NXNL2: variants seen among roughly 807,000 people sequenced by gnomAD.
The protein encoded by NXNL2 is nucleoredoxin like 2.
Under a neutral mutation model 11.1 loss-of-function variants are expected in NXNL2, and 7 were observed. The ratio of observed to expected loss-of-function variants is 0.63; its 90% CI spans 0.36 to 1.18. The LOEUF (loss-of-function observed/expected upper bound fraction) is 1.18. Ranked by LOEUF, NXNL2 falls within the 50% of genes most tolerant of loss-of-function variation. NXNL2 has a pLI of 0.02. For missense variants in NXNL2, 233 were observed against 217.7 expected, an observed-to-expected ratio of 1.07 and a Z score of -0.44; for synonymous variants, 109 against 101.8, an observed-to-expected ratio of 1.07 and a Z score of -0.42.
intron 1 of NXNL2, among the ~76,000 whole-genome samples, chr9:88,560,225 C>T (rs1830069409): frequency 6.6e-6 from 1 of 152,002 alleles, no homozygotes; most frequent in Non-Finnish European, 1.5e-5. Flanking sequence ...GATGTGGATG[C>T]ATCTTTCTGC....
At chr9:88,566,594 C>A (rs756547133) in intron 1 of NXNL2, among the ~76,000 whole-genome samples, 1 of 152,150 alleles carries the variant, frequency 6.6e-6, no homozygotes, top group South Asian at 2.1e-4. Context: ...TGAGCCACTG[C>A]GCCTGGCCGA....
rs146397691 is a variant in NXNL2, at chr9:88,541,751, T to C, written c.303-2628T>C. On this transcript the variant is annotated intron_variant, in intron 1 of 1. Coordinates refer to ENST00000375854, the MANE Select transcript of NXNL2 (RefSeq NM_001161625.2). ...TTTCTAGCTTCTTGAATTAGATCCA[T>C]AAGTCATCTATATACTAAAGTTTTG... Among the ~76,000 whole-genome samples the C allele has an allele frequency of 5.8e-3, 878 of 152,324 alleles. 13 individuals are homozygous for C. The highest frequency in any genetic ancestry group is 0.02 in the African/African-American group (819 of 41,572).
intron 1 of NXNL2, among the ~76,000 whole-genome samples, chr9:88,569,850 A>G (rs78074376): frequency 0.059 from 8,916 of 152,140 alleles, 448 homozygotes; most frequent in African/African-American, 0.12. Context: ...TTAGAATTAG[A>G]TTTGCTAATA....
rs1554706562 is a variant in NXNL2, at chr9:88,564,285, T to TCTATCTATTATC, written c.303-6802_303-6801insCTATCTATTATC. On this transcript the variant is annotated intron_variant, in intron 1 of 2. Transcript: ENST00000375855. ...ATCTATCTGTCTATCTATCTATCTA[T>TCTATCTATTATC]TATCTATCTATCTATCTATCTATCT... is the stretch of plus-strand genomic sequence containing the variant. 7.9e-3 allele frequency among the ~76,000 whole-genome samples: 1,105 copies of TCTATCTATTATC among 140,138 alleles called. 14 individuals are homozygous for TCTATCTATTATC. Among genetic ancestry groups the TCTATCTATTATC allele is most frequent in the East Asian group, 0.045 (191 of 4,264 alleles). 91.9% of individuals were successfully genotyped at this position (140,138 alleles called of 152,430 possible). A position where few individuals can be genotyped will look rare whatever the true frequency, so the allele number is the denominator to read the frequency against.
In NXNL2 at chr9:88,535,432, G is replaced by T. The variant is rs1046407078; in HGVS notation, c.-3G>T. On this transcript the variant is annotated 5_prime_UTR_variant, in exon 1 of 2. Coordinates refer to ENST00000375854, the MANE Select transcript of NXNL2 (RefSeq NM_001161625.2). ...GGGTCTCAGGTGGCTGCGTGTCTGC[G>T]CCATGGTTGACATTCTGGGCGAGCG... The T allele has an allele frequency of 6.3e-7, 1 of 1,592,540 alleles. No homozygotes were observed.
intron 1 of NXNL2, among the ~76,000 whole-genome samples, chr9:88,568,811 A>T (rs1043464095): frequency 3.3e-5 from 5 of 152,146 alleles, no homozygotes; most frequent in Admixed American, 2.0e-4. Context: ...ATCCACATTT[A>T]TTTCACGTTC....
At chr9:88,569,657 T>G (rs1210487565) in intron 1 of NXNL2, among the ~76,000 whole-genome samples, 2 of 152,206 alleles carry the variant, frequency 1.3e-5, no homozygotes, top group African/African-American at 4.8e-5. Context: ...GTTTTAAAAT[T>G]TTAATCAGGA....
rs754269531 is a variant in NXNL2 at position 88,544,520 on chromosome 9, C to A, written c.444C>A (p.Ala148=). 1 of 1,544,184 alleles carries A rather than the reference C, an allele frequency of 6.5e-7. No homozygotes were observed. Among genetic ancestry groups the A allele is most frequent in the Admixed American group, 2.0e-5 (1 of 50,510 alleles). ...LACFQDWVEA[A]DIFQNFSV ...GCTTCCAGGACTGGGTGGAGGCGGC[C>A]GATATCTTCCAGAATTTCTCCGTTT... The change falls in exon 2 of 2, where the codon GCC becomes GCA. Residue 148 remains alanine, a synonymous_variant. Transcript: ENST00000375854.
In NXNL2 at chr9:88,535,271, C is replaced by A. The variant is rs963967724; in HGVS notation, c.-164C>A. 5 of 627,672 alleles carry A rather than the reference C, an allele frequency of 8.0e-6. No individual in the cohort carries two copies. In the Admixed American group the frequency reaches 1.6e-4, roughly 20 times the overall value. The allele number at this position is 627,672 out of a possible 1,614,324, so 38.9% of individuals were successfully genotyped here. A position where few individuals can be genotyped will look rare whatever the true frequency, so the allele number is the denominator to read the frequency against. On this transcript the variant is annotated 5_prime_UTR_variant, in exon 1 of 2. Transcript: ENST00000375854. Reference sequence around the variant, plus strand: ...CGAACACAATTGCTCCAGCCACAGGCGAGGCCTGGCCAAGGTGTGGGCGCA... The same window carrying A: ...CGAACACAATTGCTCCAGCCACAGGAGAGGCCTGGCCAAGGTGTGGGCGCA...
chr9:88,575,011 T>G (rs771411559), intron 2 of NXNL2: 6 of 314,240 alleles, frequency 1.9e-5, no homozygotes, highest in Non-Finnish European at 2.8e-5. Flanking sequence ...ATTTTGCAAC[T>G]GCATTTTTAA....
chr9:88,541,267 A>G (rs899657115), intron 1 of NXNL2, among the ~76,000 whole-genome samples: 2 of 127,084 alleles, frequency 1.6e-5, no homozygotes, highest in African/African-American at 6.0e-5. Context: ...ATCTCAGTAG[A>G]CATTTTTTTT....
intron 2 of NXNL2, among the ~76,000 whole-genome samples, chr9:88,573,799 C>T (rs1830309453): frequency 6.6e-6 from 1 of 152,054 alleles, no homozygotes; most frequent in African/African-American, 2.4e-5. Context: ...CATTTTGCCA[C>T]AATTTTAAAA....
At chr9:88,566,867 T>C (rs1410673816) in intron 1 of NXNL2, among the ~76,000 whole-genome samples, 3 of 152,196 alleles carry the variant, frequency 2.0e-5, no homozygotes, top group East Asian at 3.8e-4. Flanking sequence ...TTGAAAATGG[T>C]ATATTATCTA....
chr9:88,563,671 C>T (rs1405853800), intron 1 of NXNL2, among the ~76,000 whole-genome samples: 1 of 152,096 alleles, frequency 6.6e-6, no homozygotes, highest in East Asian at 1.9e-4. Flanking sequence ...CAGTCCTCTC[C>T]CAACCACCCT....
rs9657730 is a variant in NXNL2, at chr9:88,581,752, G to A, written n.552-2247G>A. Among the ~76,000 whole-genome samples, 471 of 152,272 alleles carry A rather than the reference G, an allele frequency of 3.1e-3. 5 individuals carry two copies. Among genetic ancestry groups the A allele is most frequent in the African/African-American group, 9.2e-3 (381 of 41,562 alleles). On this transcript the variant is annotated intron_variant and non_coding_transcript_variant, in intron 1 of 1. Transcript: ENST00000478686. ...ATTACAGGCGTGAGCCACTGCACCC[G>A]GCTGCAACCACTTTCTTAACCCATT...
chr9:88,556,136 C>CA (rs763098165), intron 1 of NXNL2, among the ~76,000 whole-genome samples: 1 of 152,192 alleles, frequency 6.6e-6, no homozygotes, highest in Non-Finnish European at 1.5e-5. Context: ...TCTCGGCCCC[C>CA]AGAGGGTCAC....
downstream of NXNL2, among the ~76,000 whole-genome samples, chr9:88,576,061 G>C (rs982712134): frequency 6.6e-6 from 1 of 152,144 alleles, no homozygotes; most frequent in Non-Finnish European, 1.5e-5. Context: ...TGGGTGTGGT[G>C]GTGGGCACCT....
rs1829593171 is a variant in NXNL2, at chr9:88,535,605, C to G, written c.171C>G (p.Ala57=). Reference sequence around the variant, plus strand: ...GCGACTTCTATACGGCGCTGGTGGCCGAGGCGCGGCGGCCCGCGCCCTTCG... The same window carrying G: ...GCGACTTCTATACGGCGCTGGTGGCGGAGGCGCGGCGGCCCGCGCCCTTCG... ...LLCDFYTALV[A]EARRPAPFEV... is the part of the protein sequence containing the mutation. Residue 57 remains alanine (A), a synonymous_variant, in exon 1 of 2, where the codon GCC becomes GCG. Transcript: ENST00000375854. The G allele has an allele frequency of 1.2e-6, 2 of 1,609,014 alleles. No homozygotes were observed. The highest frequency in any genetic ancestry group is 1.7e-6 in the Non-Finnish European group (2 of 1,179,278).
Position 88,564,282 on chromosome 9 carries a change from CT to C in NXNL2, c.303-6804del, listed in dbSNP as rs1564074663. 6.2e-3 allele frequency among the ~76,000 whole-genome samples: 659 copies of C among 106,616 alleles called. 8 individuals are homozygous for C. Among genetic ancestry groups the C allele is most frequent in the African/African-American group, 0.024 (624 of 26,400 alleles). 69.9% of individuals were successfully genotyped at this position (106,616 alleles called of 152,430 possible). A position where few individuals can be genotyped will look rare whatever the true frequency, so the allele number is the denominator to read the frequency against. On this transcript the variant is annotated intron_variant, in intron 1 of 2. Transcript: ENST00000375855. Reference sequence around the variant, plus strand: ...TCTATCTATCTGTCTATCTATCTATCTATTATCTATCTATCTATCTATCTAT... The same window carrying C: ...TCTATCTATCTGTCTATCTATCTATCATTATCTATCTATCTATCTATCTAT...
Sources: allele counts gnomAD v4.1 joint callset (sites outside exome capture counted in the v4.1 genomes callset), GRCh38; gene constraint gnomAD v4.1.1; transcripts MANE v1.5; gene names NCBI Gene and HGNC (gene_info 2026-07-23, HGNC 2026-07-21).